Variants in ZFYVE28 observed in about 807,000 individuals in gnomAD.
The protein encoded by ZFYVE28 is lateral signaling target protein 2 homolog.
In ZFYVE28, 40 loss-of-function variants were observed where a neutral mutation model predicts 82.1. That is an observed-to-expected ratio of 0.49 (90% CI 0.38 to 0.63). The LOEUF (loss-of-function observed/expected upper bound fraction) is 0.63, where lower values mean the gene tolerates loss of function less well. Among genes scored for constraint, ZFYVE28 ranks in the 30% least tolerant of loss-of-function variants. The probability of loss-of-function intolerance (pLI) is 0.00; values close to 1 mark genes in which losing one functional copy is unlikely to be tolerated. For missense variants in ZFYVE28, 1,321 were observed against 1,242.1 expected, an observed-to-expected ratio of 1.06 and a Z score of -0.96; for synonymous variants, 612 against 546.1, an observed-to-expected ratio of 1.12 and a Z score of -1.68.
intron 1 of ZFYVE28, among the ~76,000 whole-genome samples, chr4:2,354,302 A>G (rs1480358694): frequency 6.6e-6 from 1 of 151,956 alleles, no homozygotes; most frequent in Non-Finnish European, 1.5e-5. Context: ...GGGCCCCTGC[A>G]TTTCACCCCA....
chr4:2,304,862 A>G lies in ZFYVE28; in HGVS notation c.1478T>C (p.Val493Ala), dbSNP rs2108823568. Residue 493 changes from valine to alanine, a missense_variant, in exon 8 of 13, where the codon GTG (valine) becomes GCG (alanine). By Grantham distance (64) the Val-to-Ala change is moderately conservative. This residue lies in a region of ZFYVE28 where 978 missense variants were observed against 833.7 expected (regional missense o/e 1.17). Transcript: ENST00000290974. ...DSRLHLDGWE[V>A]GADDAETAEM... ...AGCCGTCTCTGCGTCATCCGCACCCACCTCCCAGCCGTCCAGGTGCAGCCG... is the reference window on the plus strand; with the variant it reads ...AGCCGTCTCTGCGTCATCCGCACCCGCCTCCCAGCCGTCCAGGTGCAGCCG... 2 of 1,611,684 alleles carry G rather than the reference A, an allele frequency of 1.2e-6. No individual in the cohort carries two copies. The highest frequency in any genetic ancestry group is 4.5e-5 in the East Asian group (2 of 44,804).
intron 7 of ZFYVE28, among the ~76,000 whole-genome samples, chr4:2,309,950 G>C (rs188037931): frequency 6.6e-6 from 1 of 152,094 alleles, no homozygotes; most frequent in East Asian, 1.9e-4. Flanking sequence ...AAAATTATAT[G>C]ATTTTTCTTC....
chr4:2,354,431 C>A (rs537791126), intron 1 of ZFYVE28, among the ~76,000 whole-genome samples: 168 of 149,358 alleles, frequency 1.1e-3, no homozygotes, highest in African/African-American at 3.6e-3. Context: ...GCGCTCCAGG[C>A]GACAAAAGCA....
intron 8 of ZFYVE28, among the ~76,000 whole-genome samples, chr4:2,282,203 G>A (rs1259338744): frequency 6.6e-6 from 1 of 152,220 alleles, no homozygotes; most frequent in Non-Finnish European, 1.5e-5. Context: ...CTGCCTGAAT[G>A]TTGCTTCCTG....
intron 1 of ZFYVE28, among the ~76,000 whole-genome samples, chr4:2,406,847 T>G (rs1273092428): frequency 2.0e-5 from 3 of 152,172 alleles, no homozygotes; most frequent in Non-Finnish European, 2.9e-5. Flanking sequence ...GATTGGATTA[T>G]TTCCTTTATT....
chr4:2,346,167 A>G (rs1284861633), intron 2 of ZFYVE28, among the ~76,000 whole-genome samples: 1 of 133,494 alleles, frequency 7.5e-6, no homozygotes, highest in East Asian at 2.0e-4. Context: ...TCTCTACTAA[A>G]AAAAAAAAAA....
At chr4:2,307,847 G>C (rs1014536634) in intron 7 of ZFYVE28, among the ~76,000 whole-genome samples, 2 of 152,024 alleles carry the variant, frequency 1.3e-5, no homozygotes, top group Admixed American at 6.6e-5. Flanking sequence ...GTTGATTTTT[G>C]TGTACAGTAG....
chr4:2,410,738 G>A lies in ZFYVE28; in HGVS notation c.39+7547C>T, dbSNP rs189139417. 6.2e-3 allele frequency among the ~76,000 whole-genome samples: 948 copies of A among 152,114 alleles called. 4 individuals carry two copies. The highest frequency in any genetic ancestry group is 0.02 in the Middle Eastern group (6 of 294). On this transcript the variant is annotated intron_variant, in intron 1 of 12. Coordinates refer to ENST00000290974, the MANE Select transcript of ZFYVE28 (RefSeq NM_020972.3). Reference sequence around the variant, plus strand: ...TCTCAATCTCCTGACCTCGTGATCCGCCTGCCTCGACCTCCCAAAGTGCTG... The same window carrying A: ...TCTCAATCTCCTGACCTCGTGATCCACCTGCCTCGACCTCCCAAAGTGCTG...
At chr4:2,303,883 G>A (rs371398553) in intron 8 of ZFYVE28, among the ~76,000 whole-genome samples, 1 of 152,242 alleles carries the variant, frequency 6.6e-6, no homozygotes, top group Non-Finnish European at 1.5e-5. Context: ...GCGCTCGGAT[G>A]CGGCTCAGGG....
At chr4:2,283,189 C>G (rs1188160864) in intron 8 of ZFYVE28, among the ~76,000 whole-genome samples, 1 of 151,202 alleles carries the variant, frequency 6.6e-6, no homozygotes, top group Non-Finnish European at 1.5e-5. Flanking sequence ...TTCATCTACC[C>G]ATCCACCAAT....
intron 2 of ZFYVE28, among the ~76,000 whole-genome samples, chr4:2,344,939 C>G (rs754372903): frequency 6.6e-6 from 1 of 151,724 alleles, no homozygotes; most frequent in African/African-American, 2.4e-5. Flanking sequence ...CGGCCAGGCG[C>G]GGTGGCTCAC....
At position 2,327,703 on chromosome 4, in the gene ZFYVE28, G is replaced by T. The variant is rs75567739; in HGVS notation, c.702-7432C>A. Among the ~76,000 whole-genome samples the T allele has an allele frequency of 1.3e-4, 20 of 152,028 alleles. No homozygotes were observed. In the East Asian group the frequency reaches 3.1e-3, roughly 23 times the overall value. Reference sequence around the variant, plus strand: ...CTGCATCTAATGAGATGATCATATGGTTTTTTTATTCTATTAATGTGATGT... The same window carrying T: ...CTGCATCTAATGAGATGATCATATGTTTTTTTTATTCTATTAATGTGATGT... On this transcript the variant is annotated intron_variant, in intron 6 of 12. Coordinates refer to ENST00000290974, the MANE Select transcript of ZFYVE28 (RefSeq NM_020972.3).
At chr4:2,369,494 A>G (rs1386750525) in intron 1 of ZFYVE28, among the ~76,000 whole-genome samples, 1 of 152,156 alleles carries the variant, frequency 6.6e-6, no homozygotes, top group African/African-American at 2.4e-5. Context: ...CCCTTGAAGC[A>G]TGTCTGGAAT....
rs375459618 is a variant in ZFYVE28, at chr4:2,353,667, C to T, written c.180+266G>A. On this transcript the variant is annotated intron_variant, in intron 2 of 12. Coordinates refer to ENST00000290974, the MANE Select transcript of ZFYVE28 (RefSeq NM_020972.3). The stretch of plus-strand genomic sequence containing the variant: ...CACTGGCTGCCCCTTGGCTCAGAAG[C>T]CTGCTCACTCCGCACCCCCTGCCCC... 2.2e-3 allele frequency among the ~76,000 whole-genome samples: 341 copies of T among 152,232 alleles called. 1 individual carries two copies. Among genetic ancestry groups the T allele is most frequent in the African/African-American group, 7.9e-3 (327 of 41,546 alleles).
chr4:2,360,988 C>A (rs1010434555), intron 1 of ZFYVE28, among the ~76,000 whole-genome samples: 23 of 151,982 alleles, frequency 1.5e-4, no homozygotes, highest in African/African-American at 5.6e-4. Context: ...ACAATGTCCA[C>A]AATAAAGGGA....
intron 1 of ZFYVE28, among the ~76,000 whole-genome samples, chr4:2,395,742 G>A (rs996738036): frequency 2.6e-5 from 4 of 152,170 alleles, no homozygotes; most frequent in African/African-American, 4.8e-5. Flanking sequence ...GACCCAACAC[G>A]CCAGGGACAG....
chr4:2,375,689 C>T (rs1258148849), intron 1 of ZFYVE28, among the ~76,000 whole-genome samples: 2 of 152,168 alleles, frequency 1.3e-5, no homozygotes, highest in Admixed American at 6.5e-5. Flanking sequence ...GCCGCCCCCA[C>T]CTCTTATCAC....
intron 6 of ZFYVE28, among the ~76,000 whole-genome samples, chr4:2,334,254 C>T (rs1214681487): frequency 1.3e-5 from 2 of 152,130 alleles, no homozygotes; most frequent in African/African-American, 4.8e-5. Flanking sequence ...AGATAGAGAC[C>T]ACGCTGGAGC....
rs1716439620 is a variant in ZFYVE28, at chr4:2,305,548, G to A, written c.804-12C>T. 1.9e-6 allele frequency: 3 copies of A among 1,612,836 alleles called. No individual in the cohort carries two copies. The highest frequency in any genetic ancestry group is 2.5e-6 in the Non-Finnish European group (3 of 1,179,976). ...TCTGCAGCAAATCCCTACGAATCAA[G>A]ACAAAACCCAAGGGTGAGGGTCCCA... On this transcript the variant is annotated splice_polypyrimidine_tract_variant and intron_variant, in intron 7 of 12. Transcript: ENST00000290974.
Sources: allele counts gnomAD v4.1 joint callset (sites outside exome capture counted in the v4.1 genomes callset), GRCh38; gene constraint gnomAD v4.1.1; regional missense constraint gnomAD v4.1.1; transcripts MANE v1.5; gene names NCBI Gene and HGNC (gene_info 2026-07-23, HGNC 2026-07-21).